CGGBP1: variants seen among roughly 807,000 people sequenced by gnomAD.
The protein encoded by CGGBP1 is CGG triplet repeat-binding protein 1.
Under a neutral mutation model 11.4 loss-of-function variants are expected in CGGBP1, and 4 were observed. The observed-to-expected ratio is 0.35, with a 90% CI of 0.17 to 0.80. CGGBP1 has a LOEUF of 0.80. CGGBP1 is among the 30% of genes least tolerant of loss of function. The pLI is 0.52. For missense variants in CGGBP1, 135 were observed against 202.1 expected (o/e 0.67, Z 2.01); for synonymous variants, 76 against 74.1 (o/e 1.03, Z -0.13).
At chr3:88,061,143 G>A (rs1706858683), upstream of CGGBP1, among the ~76,000 whole-genome samples, 1 of 152,034 alleles carries the variant, frequency 6.6e-6, no homozygotes, top group Non-Finnish European at 1.5e-5. Flanking sequence ...GCTATTGGTA[G>A]ATTTTGTATC....
intron 2 of CGGBP1, chr3:88,139,495 A>G (rs763332962): frequency 6.2e-7 from 1 of 1,613,722 alleles, no homozygotes; most frequent in East Asian, 2.2e-5. Flanking sequence ...GCTCAACAGG[A>G]TGATCAGGAA....
At chr3:88,070,520 T>C (rs1404147892) in intron 2 of CGGBP1, among the ~76,000 whole-genome samples, 5 of 150,396 alleles carry the variant, frequency 3.3e-5, no homozygotes, top group African/African-American at 9.8e-5. Flanking sequence ...AAAAAAGTTA[T>C]GAACCTTTGC....
intron 2 of CGGBP1, among the ~76,000 whole-genome samples, chr3:88,125,226 A>C (rs1002179621): frequency 4.0e-5 from 6 of 151,568 alleles, no homozygotes; most frequent in African/African-American, 9.7e-5. Context: ...AAAAAAAAAA[A>C]CAAAAAAACA....
chr3:88,052,972 TGAA>T lies in CGGBP1; in HGVS notation c.*2498_*2500del, dbSNP rs909256691. 6.6e-6 allele frequency: 1 copy of T among 152,632 alleles called. No homozygotes were observed. The highest frequency in any genetic ancestry group is 1.5e-5 in the Non-Finnish European group (1 of 68,002). The allele number at this position is 152,632 out of a possible 1,614,324, so 9.5% of individuals were successfully genotyped here. A position where few individuals can be genotyped will look rare whatever the true frequency, so the allele number is the denominator to read the frequency against. On this transcript the variant is annotated 3_prime_UTR_variant, in exon 4 of 4. Transcript: ENST00000482016. The stretch of plus-strand genomic sequence containing the variant: ...TTGAGAAAACACTATTAACATGTGT[TGAA>T]GAAGGCAGTTTATAAATGAAACATT...
At chr3:88,141,556 G>T in intron 1 of CGGBP1, 1 of 954,454 alleles carries the variant, frequency 1.0e-6, no homozygotes, top group South Asian at 2.5e-5. Flanking sequence ...CCTTTAAAAT[G>T]ACAGGGTATA....
chr3:88,103,089 G>C (rs1435371245), intron 2 of CGGBP1, among the ~76,000 whole-genome samples: 1 of 152,026 alleles, frequency 6.6e-6, no homozygotes, highest in Non-Finnish European at 1.5e-5. Flanking sequence ...TTGGTTTTCT[G>C]TTCATGCGTT....
chr3:88,099,089 T>C (rs1291022166), intron 2 of CGGBP1, among the ~76,000 whole-genome samples: 6 of 152,242 alleles, frequency 3.9e-5, no homozygotes, highest in South Asian at 4.1e-4. Context: ...GAAAACCCCA[T>C]TGTCTCAGCC....
At chr3:88,131,895 A>G (rs1372928334) in intron 2 of CGGBP1, among the ~76,000 whole-genome samples, 6 of 152,000 alleles carry the variant, frequency 3.9e-5, no homozygotes, top group African/African-American at 1.5e-4. Context: ...GGCCTAGCCT[A>G]TGAGTCAGCT....
intron 2 of CGGBP1, among the ~76,000 whole-genome samples, chr3:88,067,951 T>C (rs1707295137): frequency 6.6e-6 from 1 of 152,026 alleles, no homozygotes; most frequent in Non-Finnish European, 1.5e-5. Flanking sequence ...AATGATCCAT[T>C]TGAAAGGAAG....
At chr3:88,113,257 C>T in intron 2 of CGGBP1, 1 of 1,009,600 alleles carries the variant, frequency 9.9e-7, no homozygotes, top group Non-Finnish European at 1.4e-6. Flanking sequence ...TTATGCTCCC[C>T]CTAAATATAG....
At chr3:88,066,218 T>C (rs190779932) in intron 2 of CGGBP1, among the ~76,000 whole-genome samples, 70 of 152,322 alleles carry the variant, frequency 4.6e-4, no homozygotes, top group African/African-American at 1.5e-3. Flanking sequence ...TTATACACAG[T>C]CTTTCATTAG....
At chr3:88,137,236 T>C (rs1183773586) in intron 2 of CGGBP1, among the ~76,000 whole-genome samples, 4 of 143,726 alleles carry the variant, frequency 2.8e-5, no homozygotes, top group Non-Finnish European at 6.1e-5. Context: ...GATAGAAGTA[T>C]GGAGAAAGAA....
intron 2 of CGGBP1, among the ~76,000 whole-genome samples, chr3:88,108,637 G>T (rs188238497): frequency 1.3e-5 from 2 of 152,172 alleles, no homozygotes; most frequent in Admixed American, 1.3e-4. Flanking sequence ...TACGCTACCT[G>T]CCCATTAGTC....
chr3:88,134,069 T>C (rs752850091), intron 2 of CGGBP1, among the ~76,000 whole-genome samples: 1 of 151,002 alleles, frequency 6.6e-6, no homozygotes, highest in Non-Finnish European at 1.5e-5. Context: ...TAGGAAGGTA[T>C]GAAACCTTGT....
upstream of CGGBP1, among the ~76,000 whole-genome samples, chr3:88,061,495 A>G (rs1706882330): frequency 6.6e-6 from 1 of 152,214 alleles, no homozygotes; most frequent in East Asian, 1.9e-4. Flanking sequence ...AACATAGTTT[A>G]TTACCTGAAA....
chr3:88,096,205 G>A (rs1704048327), intron 2 of CGGBP1, among the ~76,000 whole-genome samples: 1 of 152,012 alleles, frequency 6.6e-6, no homozygotes, highest in African/African-American at 2.4e-5. Context: ...TTTTAAAGGT[G>A]TTAGATGATC....
At chr3:88,074,034 A>G (rs935665162) in intron 2 of CGGBP1, among the ~76,000 whole-genome samples, 11 of 152,126 alleles carry the variant, frequency 7.2e-5, no homozygotes, top group African/African-American at 2.4e-4. Flanking sequence ...TGAGGTTTTA[A>G]TTTGAGCTTT....
intron 2 of CGGBP1, among the ~76,000 whole-genome samples, chr3:88,066,243 T>C (rs1483138485): frequency 6.6e-6 from 1 of 152,236 alleles, no homozygotes; most frequent in Non-Finnish European, 1.5e-5. Flanking sequence ...ATGACTATTA[T>C]TGCTTTCCAA....
chr3:88,065,971 C>T (rs889192923), intron 2 of CGGBP1, among the ~76,000 whole-genome samples: 19 of 152,082 alleles, frequency 1.2e-4, no homozygotes, highest in Non-Finnish European at 2.5e-4. Flanking sequence ...TGAGGTCAAG[C>T]GAGTCACCCA....
Sources: gnomAD v4.1 joint callset for allele counts (sites outside exome capture counted in the v4.1 genomes callset) on GRCh38, gnomAD v4.1.1 for gene constraint, MANE v1.5 for transcripts, NCBI Gene and HGNC (gene_info 2026-07-23, HGNC 2026-07-21) for gene names.